RRP12: variants seen among roughly 807,000 people sequenced by gnomAD.
RRP12 encodes ribosomal RNA processing 12 homolog.
In RRP12, 78 loss-of-function variants were observed where a neutral mutation model predicts 157.3. The observed-to-expected ratio is 0.50, with a 90% confidence interval of 0.41 to 0.60. RRP12 has a LOEUF of 0.60. Ranked by LOEUF, RRP12 falls within the 20% of genes least tolerant of loss-of-function variation. The pLI, the probability that RRP12 is intolerant of heterozygous loss-of-function variation, is 0.00. For synonymous variants in RRP12, 726 were observed against 670.9 expected (o/e 1.08, Z -1.27); for missense variants, 1,521 against 1,679.9 (o/e 0.91, Z 1.65).
intron 31 of RRP12, 47 bp from the exon 32 acceptor site, chr10:97,359,057 C>G (rs1449477917): frequency 2.0e-6 from 3 of 1,528,424 alleles, no homozygotes; most frequent in Non-Finnish European, 2.7e-6. Flanking sequence ...CCAGGGCAGC[C>G]CCCTCCAGAA....
At chr10:97,368,908 G>C (rs1016629806) in intron 25 of RRP12, among the ~76,000 whole-genome samples, 1 of 152,250 alleles carries the variant, frequency 6.6e-6, no homozygotes, top group African/African-American at 2.4e-5. Context: ...AGCTTGGCTG[G>C]AAGCCTACGC....
chr10:97,380,077 G>A (rs1395035843), intron 13 of RRP12, among the ~76,000 whole-genome samples: 2 of 152,228 alleles, frequency 1.3e-5, no homozygotes, highest in South Asian at 2.1e-4. Flanking sequence ...CAAATCAGCA[G>A]GCGCTGAGGA....
intron 17 of RRP12, 137 bp from the exon 18 acceptor site, chr10:97,373,337 G>T: frequency 9.5e-7 from 1 of 1,055,416 alleles, no homozygotes; most frequent in Non-Finnish European, 1.3e-6. Flanking sequence ...GCTCTCTGTG[G>T]CAGAAGCTGA....
chr10:97,376,218 T>C (rs1844302471), intron 15 of RRP12, among the ~76,000 whole-genome samples: 2 of 140,124 alleles, frequency 1.4e-5, no homozygotes, highest in South Asian at 4.9e-4. Flanking sequence ...CTTTCTTTTT[T>C]TTTTTTTTTT....
chr10:97,358,617 T>C lies in RRP12; in HGVS notation c.3711A>G (p.Lys1237=), dbSNP rs1283555060. 1.2e-6 allele frequency: 2 copies of C among 1,613,402 alleles called. No homozygotes were observed. Among genetic ancestry groups the C allele is most frequent in the Non-Finnish European group, 1.7e-6 (2 of 1,179,474 alleles). Residue 1237 remains lysine (K), a splice_region_variant and synonymous_variant, in exon 33 of 34, where the codon AAA becomes AAG. Transcript: ENST00000370992. ...AMPGAEYKAK[K]AKGDVKKKGR... ...CTTTCTTCTTCACATCACCTTTTGCTTTCTGCTTGCCCAGAGAAACAGAGT... is the reference window on the plus strand; with the variant it reads ...CTTTCTTCTTCACATCACCTTTTGCCTTCTGCTTGCCCAGAGAAACAGAGT...
rs80348667 is a variant in RRP12, at chr10:97,381,070, T to C, written c.1419-157A>G. On this transcript the variant is annotated intron_variant, in intron 12 of 33. Transcript: ENST00000370992. ...CAGAAGAGAACTAACATTTGTGACA[T>C]GCCCACACTCCCTATGTTAAGAGTT... Among the ~76,000 whole-genome samples, 1,030 of 152,300 alleles carry C rather than the reference T, an allele frequency of 6.8e-3. 16 individuals are homozygous for C. The highest frequency in any genetic ancestry group is 0.022 in the African/African-American group (930 of 41,550).
At chr10:97,366,993 C>T (rs780058240) in intron 26 of RRP12, 48 bp downstream of exon 26, 4 of 1,610,958 alleles carry the variant, frequency 2.5e-6, no homozygotes, top group Non-Finnish European at 2.5e-6. Flanking sequence ...GACTGGAAAT[C>T]CTCGGCCCCT....
intron 19 of RRP12, 150 bp downstream of exon 19, chr10:97,372,586 A>AGTCAGCACAGCCT: frequency 1.5e-6 from 1 of 689,170 alleles, no homozygotes; most frequent in Non-Finnish European, 2.5e-6. Flanking sequence ...AGAAGGAACT[A>AGTCAGCACAGCCT]GTCAGCACAG....
At position 97,381,841 on chromosome 10, in the gene RRP12, G is replaced by T. The variant is rs201900311; in HGVS notation, c.1209-15C>A. 227 of 1,598,472 alleles carry T rather than the reference G, an allele frequency of 1.4e-4. 1 individual carries two copies. In the African/African-American group the frequency reaches 2.8e-3, roughly 20 times the overall value. ...CCCACTGCAACCTGTCAAGACAAAA[G>T]GTTTCTGTGGGGCCTGGCCTGAGCC... On this transcript the variant is annotated splice_polypyrimidine_tract_variant and intron_variant, in intron 10 of 33. Transcript: ENST00000370992.
chr10:97,358,788 A>G, intron 32 of RRP12, 155 bp downstream of exon 32: 1 of 793,650 alleles, frequency 1.3e-6, no homozygotes, highest in Non-Finnish European at 2.1e-6. Flanking sequence ...TTCAGATGCC[A>G]CAAGGTCTTA....
chr10:97,359,699 C>G (rs1223879609), intron 31 of RRP12, among the ~76,000 whole-genome samples: 1 of 152,212 alleles, frequency 6.6e-6, no homozygotes, highest in Non-Finnish European at 1.5e-5. Flanking sequence ...CAGAGACAGA[C>G]AGTGTAACCA....
chr10:97,380,807 T>A lies in RRP12; in HGVS notation c.1525A>T (p.Met509Leu). 1 of 1,613,178 alleles carries A rather than the reference T, an allele frequency of 6.2e-7. No individual in the cohort carries two copies. The highest frequency in any genetic ancestry group is 8.5e-7 in the Non-Finnish European group (1 of 1,179,144). Reference sequence around the variant, plus strand: ...AGCCGCTCCCCACTCACCTTCCTCATCACAGGGTGGGCCTGTCTCCCACAC... The same window carrying A: ...AGCCGCTCCCCACTCACCTTCCTCAACACAGGGTGGGCCTGTCTCCCACAC... ...EACGRQAHPVMRKCLQSLCDL... is the reference protein window; with the variant it reads ...EACGRQAHPVLRKCLQSLCDL... The change falls in exon 13 of 34, where the codon ATG (methionine) becomes TTG (leucine). Residue 509 changes from methionine (M) to leucine (L), a missense_variant. Physicochemically the swap from Met to Leu is conservative, Grantham distance 15 (BLOSUM62 2). Coordinates refer to ENST00000370992, the MANE Select transcript of RRP12 (RefSeq NM_015179.4).
At chr10:97,387,249 C>T (rs1056148213) in intron 8 of RRP12, among the ~76,000 whole-genome samples, 1 of 152,060 alleles carries the variant, frequency 6.6e-6, no homozygotes, top group Middle Eastern at 3.2e-3. Context: ...GGAAAAAAAA[C>T]TGTACATGTT....
intron 2 of RRP12, among the ~76,000 whole-genome samples, chr10:97,397,992 CGTAT>C (rs374324415): frequency 0.075 from 3,104 of 41,544 alleles, 89 homozygotes; most frequent in African/African-American, 0.12. Flanking sequence ...AAAAAAAATA[CGTAT>C]ATATATATAC....
At chr10:97,393,468 TAC>T (rs1437149064) in intron 4 of RRP12, 1 of 688,896 alleles carries the variant, frequency 1.5e-6, no homozygotes, top group African/African-American at 1.8e-5. Context: ...ATGATTCTAT[TAC>T]CAGGGGTTCA....
chr10:97,384,752 C>T (rs1378194333), intron 10 of RRP12, among the ~76,000 whole-genome samples: 1 of 151,420 alleles, frequency 6.6e-6, no homozygotes, highest in Non-Finnish European at 1.5e-5. Flanking sequence ...CCAACCTCGG[C>T]AGCCAGGATG....
chr10:97,395,850 C>CAAAAAAA (rs548342202), intron 3 of RRP12, among the ~76,000 whole-genome samples: 2 of 105,368 alleles, frequency 1.9e-5, no homozygotes, highest in South Asian at 3.0e-4. Context: ...GACTCCGCCT[C>CAAAAAAA]AAAAAAAAAA....
At chr10:97,376,945 T>A (rs567765662) in intron 15 of RRP12, among the ~76,000 whole-genome samples, 1 of 151,322 alleles carries the variant, frequency 6.6e-6, no homozygotes, top group East Asian at 2.0e-4. Flanking sequence ...AGTGGTGCGA[T>A]CTTGGCTCAC....
chr10:97,398,751 T>G (rs2133105922), intron 2 of RRP12, among the ~76,000 whole-genome samples: 1 of 152,112 alleles, frequency 6.6e-6, no homozygotes, highest in East Asian at 1.9e-4. Flanking sequence ...TTCGTAGTAA[T>G]TCATAGTAGG....
Sources: allele counts gnomAD v4.1 joint callset (sites outside exome capture counted in the v4.1 genomes callset), GRCh38; gene constraint gnomAD v4.1.1; transcripts MANE v1.5; gene names NCBI Gene and HGNC (gene_info 2026-07-23, HGNC 2026-07-21).